Variants in INO80 observed in about 807,000 individuals in gnomAD.
INO80 encodes chromatin-remodeling ATPase INO80.
In INO80, 20 loss-of-function variants were observed where a neutral mutation model predicts 203.4. The observed-to-expected ratio is 0.10, with a 90% CI of 0.07 to 0.14. The LOEUF (loss-of-function observed/expected upper bound fraction) is 0.14, where lower values mean the gene tolerates loss of function less well. INO80 is among the 10% of genes least tolerant of loss of function. The pLI is 1.00. For synonymous variants in INO80, 726 were observed against 685.2 expected (o/e 1.06, Z -0.93); for missense variants, 1,419 against 1,914.4 (o/e 0.74, Z 4.83).
intron 25 of INO80, 100 bp downstream of exon 25, chr15:41,027,496 A>G (rs2044393008): frequency 9.5e-7 from 1 of 1,055,368 alleles, no homozygotes; most frequent in Non-Finnish European, 1.3e-6. Context: ...TTAAAGTCCA[A>G]ATAGTTTAAA....
At chr15:41,046,206 C>CATATATAT (rs1160486459) in intron 23 of INO80, among the ~76,000 whole-genome samples, 2 of 14,414 alleles carry the variant, frequency 1.4e-4, no homozygotes, top group African/African-American at 4.5e-4. Context: ...CGTATACATA[C>CATATATAT]ATATATATAT....
At chr15:41,084,311 AC>A (rs1387506005) in intron 7 of INO80, among the ~76,000 whole-genome samples, 1 of 152,004 alleles carries the variant, frequency 6.6e-6, no homozygotes, top group Admixed American at 6.6e-5. Context: ...TGTAATCCCA[AC>A]ACTTTATGAG....
intron 10 of INO80, 68 bp downstream of exon 10, chr15:41,074,302 A>G: frequency 8.5e-6 from 10 of 1,172,094 alleles, no homozygotes; most frequent in South Asian, 2.1e-5. Context: ...CGCAAAAATT[A>G]ATGTATATAA....
At chr15:41,046,021 A>T (rs1397535488) in intron 23 of INO80, among the ~76,000 whole-genome samples, 1 of 151,630 alleles carries the variant, frequency 6.6e-6, no homozygotes, top group Non-Finnish European at 1.5e-5. Flanking sequence ...TTCCCAGAAC[A>T]CTTGAGGCAG....
intron 25 of INO80, among the ~76,000 whole-genome samples, chr15:41,026,390 A>T: frequency 6.6e-6 from 1 of 151,978 alleles, no homozygotes; most frequent in East Asian, 1.9e-4. Context: ...TCGTCTTTAC[A>T]AAAAATTTAA....
rs1016911415 is a variant in INO80, at chr15:41,028,883, A to G, written c.2908-1147T>C. Among the ~76,000 whole-genome samples, 4 of 152,216 alleles carry G rather than the reference A, an allele frequency of 2.6e-5. No individual in the cohort carries two copies. The South Asian group carries it at 6.2e-4, about 24-fold the overall frequency. Reference sequence around the variant, plus strand: ...AAAAAAAAGTATTTTAACAGACTTCATAACTCATGTTACAGCTTCAGGTCA... The same window carrying G: ...AAAAAAAAGTATTTTAACAGACTTCGTAACTCATGTTACAGCTTCAGGTCA... On this transcript the variant is annotated intron_variant, in intron 24 of 35. Transcript: ENST00000648947.
intron 20 of INO80, 144 bp downstream of exon 20, chr15:41,049,791 C>T (rs2044835261): frequency 4.2e-6 from 3 of 716,468 alleles, no homozygotes; most frequent in Non-Finnish European, 2.3e-6. Flanking sequence ...GAGGCTGAGG[C>T]AGGAGAATTG....
At chr15:41,008,965 C>G (rs1337039164) in intron 27 of INO80, among the ~76,000 whole-genome samples, 2 of 152,136 alleles carry the variant, frequency 1.3e-5, no homozygotes, top group Non-Finnish European at 2.9e-5. Context: ...TCCCAGGTAG[C>G]TGGATTATAG....
At chr15:41,074,825 A>G (rs953485851) in intron 9 of INO80, among the ~76,000 whole-genome samples, 1 of 150,440 alleles carries the variant, frequency 6.6e-6, no homozygotes, top group African/African-American at 2.5e-5. Flanking sequence ...GCTCACTGCG[A>G]CCTCCGCCTC....
chr15:41,069,248 C>G (rs542112427), intron 14 of INO80, among the ~76,000 whole-genome samples: 5 of 152,220 alleles, frequency 3.3e-5, no homozygotes, highest in African/African-American at 9.6e-5. Context: ...CCCTCACCCC[C>G]CTGGCCCTGC....
At chr15:41,058,868 A>C (rs2045049638) in intron 15 of INO80, 87 bp from the exon 16 acceptor site, 2 of 1,315,640 alleles carry the variant, frequency 1.5e-6, no homozygotes, top group South Asian at 2.8e-5. Context: ...TCTAGGGCCA[A>C]AATGTTTAAG....
intron 1 of INO80, among the ~76,000 whole-genome samples, chr15:41,109,824 C>G (rs945891791): frequency 3.3e-5 from 5 of 151,562 alleles, no homozygotes; most frequent in Non-Finnish European, 7.4e-5. Context: ...CCTAGCTACT[C>G]AGGAGGCTGA....
At position 41,065,549 on chromosome 15, in the gene INO80, G is replaced by A. The variant is rs146051706; in HGVS notation, c.1782+4021C>T. On this transcript the variant is annotated intron_variant, in intron 14 of 35. Transcript: ENST00000648947. ...TACATACCCAAAAGAAGTGAAAACA[G>A]TAAAAGTGTTCAAACAAAAACTTGC... Among the ~76,000 whole-genome samples the A allele has an allele frequency of 5.8e-3, 885 of 152,248 alleles. 10 individuals are homozygous for A. Among genetic ancestry groups the A allele is most frequent in the Middle Eastern group, 0.041 (12 of 294 alleles).
intron 5 of INO80, among the ~76,000 whole-genome samples, chr15:41,091,350 G>A (rs752777399): frequency 1.3e-5 from 2 of 151,842 alleles, no homozygotes; most frequent in African/African-American, 2.4e-5. Flanking sequence ...GTGAGCCACC[G>A]CACCCAGTCA....
intron 9 of INO80, among the ~76,000 whole-genome samples, chr15:41,079,150 T>C (rs1480555079): frequency 6.6e-6 from 1 of 151,344 alleles, no homozygotes; most frequent in Non-Finnish European, 1.5e-5. Flanking sequence ...AACAAAAAAA[T>C]AAATAAAACA....
chr15:41,114,708 C>CAAAAA (rs760373123), intron 1 of INO80, among the ~76,000 whole-genome samples: 1 of 65,896 alleles, frequency 1.5e-5, no homozygotes, highest in Non-Finnish European at 3.4e-5. Flanking sequence ...GACTCAGTCT[C>CAAAAA]AAAAAAAAAA....
chr15:41,001,793 G>A (rs1316022078), intron 28 of INO80, among the ~76,000 whole-genome samples: 2 of 152,288 alleles, frequency 1.3e-5, no homozygotes, highest in East Asian at 3.9e-4. Flanking sequence ...GCTTTTTATA[G>A]GCGTTGTTGT....
chr15:41,051,676 T>C (rs1260701350), intron 19 of INO80, among the ~76,000 whole-genome samples: 1 of 151,938 alleles, frequency 6.6e-6, no homozygotes, highest in East Asian at 1.9e-4. Context: ...AAATTAGGGC[T>C]GGGCATAGTG....
At chr15:41,015,133 C>T (rs1320979237) in intron 27 of INO80, among the ~76,000 whole-genome samples, 4 of 152,126 alleles carry the variant, frequency 2.6e-5, no homozygotes, top group Non-Finnish European at 1.5e-5. Flanking sequence ...AGTCACCACT[C>T]AGACAAGAAA....
Sources: allele counts gnomAD v4.1 joint callset (sites outside exome capture counted in the v4.1 genomes callset), GRCh38; gene constraint gnomAD v4.1.1; transcripts MANE v1.5; gene names NCBI Gene and HGNC (gene_info 2026-07-23, HGNC 2026-07-21).